LINGO2: variants seen among roughly 807,000 people sequenced by gnomAD.
The protein encoded by LINGO2 is leucine-rich repeat and immunoglobulin-like domain-containing nogo receptor-interacting protein 2.
A neutral mutation model predicts 30.6 loss-of-function variants in LINGO2; 14 were observed. The ratio of observed to expected loss-of-function variants is 0.46; its 90% CI spans 0.30 to 0.72. The LOEUF (loss-of-function observed/expected upper bound fraction) is 0.72, where lower values mean the gene tolerates loss of function less well. Among genes scored for constraint, LINGO2 ranks in the 30% least tolerant of loss-of-function variants. The pLI, the probability that LINGO2 is intolerant of heterozygous loss-of-function variation, is 0.07. For missense variants in LINGO2, 729 were observed against 751.7 expected, an observed-to-expected ratio of 0.97 and a Z score of 0.35; for synonymous variants, 317 against 288.5, an observed-to-expected ratio of 1.10 and a Z score of -1.00.
At chr9:29,030,082 G>T in the LINGO2 span, among the ~76,000 whole-genome samples, 1 of 151,998 alleles carries the variant, frequency 6.6e-6, no homozygotes, top group Admixed American at 6.6e-5. Flanking sequence ...AAAGATTGCT[G>T]GGTGTTCTAT....
intron 4 of LINGO2, among the ~76,000 whole-genome samples, chr9:28,271,514 G>C (rs1194167880): frequency 1.3e-5 from 2 of 152,074 alleles, no homozygotes; most frequent in African/African-American, 2.4e-5. Context: ...TTTGTAAATG[G>C]CACATGATAG....
chr9:28,741,361 C>T, the LINGO2 span, among the ~76,000 whole-genome samples: 116 of 152,080 alleles, frequency 7.6e-4, no homozygotes, highest in Non-Finnish European at 1.4e-3. Flanking sequence ...AAATCTGGGG[C>T]TGGCCTAGAA....
the LINGO2 span, among the ~76,000 whole-genome samples, chr9:29,163,027 A>G: frequency 6.6e-6 from 1 of 152,162 alleles, no homozygotes; most frequent in Non-Finnish European, 1.5e-5. Context: ...CATATTATCT[A>G]AATTTTATTT....
chr9:28,179,278 CTA>C (rs1041568695), intron 4 of LINGO2, among the ~76,000 whole-genome samples: 1 of 145,178 alleles, frequency 6.9e-6, no homozygotes, highest in Non-Finnish European at 1.5e-5. Flanking sequence ...TATAAAAATA[CTA>C]TATATATACC....
chr9:28,217,468 T>C (rs79723827), intron 4 of LINGO2, among the ~76,000 whole-genome samples: 2,540 of 152,164 alleles, frequency 0.017, 68 homozygotes, highest in African/African-American at 0.056. Context: ...GTTCTAAACA[T>C]AGCACTCCTG....
rs554385305 is a variant in LINGO2, at chr9:28,418,818, A to C, written c.-278-45950T>G. ...AAGGAAATGTCTGTGCTGTTTCAACATTTAACATAATCTTTAATATGGTTT... is the reference window on the plus strand; with the variant it reads ...AAGGAAATGTCTGTGCTGTTTCAACCTTTAACATAATCTTTAATATGGTTT... On this transcript the variant is annotated intron_variant, in intron 2 of 5. Transcript: ENST00000379992. 9.9e-5 allele frequency among the ~76,000 whole-genome samples: 15 copies of C among 152,116 alleles called. No individual in the cohort carries two copies. In the South Asian group the frequency reaches 3.1e-3, roughly 32 times the overall value.
At chr9:28,046,626 T>C (rs112017627) in intron 4 of LINGO2, among the ~76,000 whole-genome samples, 1 of 152,312 alleles carries the variant, frequency 6.6e-6, no homozygotes, top group African/African-American at 2.4e-5. Flanking sequence ...ACTGTCTCCT[T>C]GAAATTTCTG....
At chr9:28,617,335 G>A (rs1399373062) in intron 1 of LINGO2, among the ~76,000 whole-genome samples, 1 of 146,128 alleles carries the variant, frequency 6.8e-6, no homozygotes, top group African/African-American at 2.6e-5. Flanking sequence ...TCGCTCTGTC[G>A]CCCAGGCTGG....
the LINGO2 span, among the ~76,000 whole-genome samples, chr9:28,682,474 G>A: frequency 2.0e-5 from 3 of 152,076 alleles, no homozygotes; most frequent in Middle Eastern, 3.4e-3. Flanking sequence ...CCTTCTACAT[G>A]GTTTTTATTA....
At chr9:28,044,754 A>AGC (rs1430089906) in intron 4 of LINGO2, among the ~76,000 whole-genome samples, 1 of 138,472 alleles carries the variant, frequency 7.2e-6, no homozygotes. Flanking sequence ...AGTTAGGGCA[A>AGC]GCAGGTGGGA....
At chr9:28,433,949 CTATA>C (rs375073572) in intron 2 of LINGO2, among the ~76,000 whole-genome samples, 3,860 of 88,316 alleles carry the variant, frequency 0.044, 201 homozygotes, top group African/African-American at 0.097. Context: ...CTCTCTCTCT[CTATA>C]TATATATATA....
the LINGO2 span, among the ~76,000 whole-genome samples, chr9:29,077,778 G>A: frequency 6.6e-6 from 1 of 152,006 alleles, no homozygotes; most frequent in Non-Finnish European, 1.5e-5. Context: ...ATGAAACAAT[G>A]TGGGGAAACA....
At chr9:28,407,894 C>G (rs1404043094) in intron 2 of LINGO2, among the ~76,000 whole-genome samples, 1 of 151,986 alleles carries the variant, frequency 6.6e-6, no homozygotes, top group Non-Finnish European at 1.5e-5. Context: ...CCAAAGCATT[C>G]TAACAGAATA....
At chr9:28,179,537 T>G (rs1284223833) in intron 4 of LINGO2, among the ~76,000 whole-genome samples, 1 of 68,920 alleles carries the variant, frequency 1.5e-5, no homozygotes, top group Admixed American at 1.8e-4. Context: ...AAACTATATA[T>G]AGTTTTTTAC....
intron 1 of LINGO2, among the ~76,000 whole-genome samples, chr9:28,539,252 G>A (rs2135454632): frequency 6.6e-6 from 1 of 152,114 alleles, no homozygotes; most frequent in South Asian, 2.1e-4. Flanking sequence ...ATATATGTAA[G>A]TTACAGAATG....
At chr9:28,304,932 A>C (rs1417251885) in intron 3 of LINGO2, among the ~76,000 whole-genome samples, 1 of 152,088 alleles carries the variant, frequency 6.6e-6, no homozygotes, top group African/African-American at 2.4e-5. Context: ...AGTCTTTATC[A>C]GTTATTTTAG....
At chr9:29,100,616 A>T in the LINGO2 span, among the ~76,000 whole-genome samples, 1 of 152,076 alleles carries the variant, frequency 6.6e-6, no homozygotes, top group African/African-American at 2.4e-5. Context: ...GCTACAAAAA[A>T]TAGTTAAAAA....
chr9:28,396,480 G>A (rs1201263328), intron 2 of LINGO2, among the ~76,000 whole-genome samples: 5 of 151,896 alleles, frequency 3.3e-5, no homozygotes, highest in East Asian at 1.9e-4. Context: ...CGAGGCAGGC[G>A]GATCACAGGG....
chr9:28,710,876 A>C, the LINGO2 span, among the ~76,000 whole-genome samples: 1 of 152,296 alleles, frequency 6.6e-6, no homozygotes, highest in South Asian at 2.1e-4. Context: ...ACAGTGTTAA[A>C]GAAAAACAGA....
Sources: gnomAD v4.1 joint callset for allele counts (sites outside exome capture counted in the v4.1 genomes callset) on GRCh38, gnomAD v4.1.1 for gene constraint, MANE v1.5 for transcripts, NCBI Gene and HGNC (gene_info 2026-07-23, HGNC 2026-07-21) for gene names.